STAU2: variants seen among roughly 807,000 people sequenced by gnomAD.
STAU2 encodes the protein staufen double-stranded RNA binding protein 2, also known as double-stranded RNA-binding protein Staufen homolog 2.
In STAU2, 20 loss-of-function variants were observed where a neutral mutation model predicts 65.9. That is an observed-to-expected ratio of 0.30 (90% CI 0.21 to 0.44). STAU2 has a LOEUF of 0.44. Ranked by LOEUF, STAU2 falls within the 20% of genes least tolerant of loss-of-function variation. The pLI is 1.00. For missense variants in STAU2, 558 were observed against 683.9 expected (o/e 0.82, Z 2.05); for synonymous variants, 232 against 233.9 (o/e 0.99, Z 0.07).
intron 13 of STAU2, among the ~76,000 whole-genome samples, chr8:73,492,853 G>A (rs1159702926): frequency 6.6e-6 from 1 of 151,804 alleles, no homozygotes. Flanking sequence ...TTTTATGGTA[G>A]TACAAAGCTG....
chr8:73,507,814 C>T (rs1822157735), intron 13 of STAU2, among the ~76,000 whole-genome samples: 1 of 152,222 alleles, frequency 6.6e-6, no homozygotes. Context: ...TTCTGGATAA[C>T]TTGCTGCAGC....
chr8:73,570,752 T>A (rs1314584476), intron 12 of STAU2, among the ~76,000 whole-genome samples: 1 of 152,174 alleles, frequency 6.6e-6, no homozygotes, highest in Non-Finnish European at 1.5e-5. Context: ...AGCGGATCTC[T>A]CGGCAGAAAC....
Position 73,738,265 on chromosome 8 carries a change from T to C in STAU2, c.-18+19A>G. 1.2e-6 allele frequency: 2 copies of C among 1,607,356 alleles called. No homozygotes were observed. The highest frequency in any genetic ancestry group is 1.7e-6 in the Non-Finnish European group (2 of 1,175,560). ...CAAAGCACCATGTAAGCATGAAAAATGCCTTAACACAAACTCACCTGATTT... is the reference window on the plus strand; with the variant it reads ...CAAAGCACCATGTAAGCATGAAAAACGCCTTAACACAAACTCACCTGATTT... On this transcript the variant is annotated intron_variant, in intron 3 of 14. Coordinates refer to ENST00000524300, the MANE Select transcript of STAU2 (RefSeq NM_001164380.2).
At chr8:73,510,181 C>T (rs1186944669) in intron 13 of STAU2, among the ~76,000 whole-genome samples, 1 of 151,978 alleles carries the variant, frequency 6.6e-6, no homozygotes, top group African/African-American at 2.4e-5. Flanking sequence ...GATTCTCTTG[C>T]CTCAGCCTCC....
chr8:73,516,550 G>A (rs1182875606), intron 13 of STAU2, among the ~76,000 whole-genome samples: 1 of 152,100 alleles, frequency 6.6e-6, no homozygotes, highest in Non-Finnish European at 1.5e-5. Flanking sequence ...GAAACAAAGA[G>A]AGTAGGCCAA....
chr8:73,629,899 G>A (rs1295101683), intron 6 of STAU2, among the ~76,000 whole-genome samples: 1 of 152,100 alleles, frequency 6.6e-6, no homozygotes, highest in Non-Finnish European at 1.5e-5. Flanking sequence ...AACCACAGGC[G>A]TGCACTACCA....
At position 73,673,331 on chromosome 8, in the gene STAU2, A is replaced by G. The variant is rs780932883; in HGVS notation, c.275-89T>C. ...TATATTTATACAACGCTTAAATACCATGGAAGAAGGTAAGAATGGATGGAC... is the reference window on the plus strand; with the variant it reads ...TATATTTATACAACGCTTAAATACCGTGGAAGAAGGTAAGAATGGATGGAC... On this transcript the variant is annotated intron_variant, in intron 5 of 14. Coordinates refer to ENST00000524300, the MANE Select transcript of STAU2 (RefSeq NM_001164380.2). 1.0e-5 allele frequency: 13 copies of G among 1,268,880 alleles called. No individual in the cohort carries two copies. The Admixed American group carries it at 2.7e-4, about 26-fold the overall frequency. 78.6% of individuals were successfully genotyped at this position (1,268,880 alleles called of 1,614,324 possible). A position where few individuals can be genotyped will look rare whatever the true frequency, so the allele number is the denominator to read the frequency against.
chr8:73,576,527 G>A (rs1360636494), intron 12 of STAU2, among the ~76,000 whole-genome samples: 1 of 152,114 alleles, frequency 6.6e-6, no homozygotes, highest in Non-Finnish European at 1.5e-5. Flanking sequence ...ACTTCTGCTG[G>A]GGGAGGCATA....
intron 13 of STAU2, among the ~76,000 whole-genome samples, chr8:73,438,352 C>G (rs1585753300): frequency 6.6e-6 from 1 of 152,174 alleles, no homozygotes; most frequent in African/African-American, 2.4e-5. Context: ...TGGAACCAGA[C>G]AGCTGTGAGG....
chr8:73,742,137 G>A, intron 1 of STAU2: 1 of 893,682 alleles, frequency 1.1e-6, no homozygotes. Flanking sequence ...CTACTTTAAA[G>A]ACACGCCCAG....
chr8:73,714,195 G>A (rs947370062), intron 3 of STAU2, among the ~76,000 whole-genome samples: 2 of 152,132 alleles, frequency 1.3e-5, no homozygotes, highest in South Asian at 2.1e-4. Flanking sequence ...GAGCCACCAC[G>A]CCCGGCCTTA....
At chr8:73,524,713 T>C (rs1157383150) in intron 13 of STAU2, among the ~76,000 whole-genome samples, 2 of 152,218 alleles carry the variant, frequency 1.3e-5, no homozygotes, top group East Asian at 1.9e-4. Context: ...TTTCTCAGAA[T>C]ACCAATTCTG....
chr8:73,533,636 C>T (rs73326784), intron 13 of STAU2, among the ~76,000 whole-genome samples: 9,677 of 152,156 alleles, frequency 0.064, 802 homozygotes, highest in African/African-American at 0.2. Context: ...TGGTTCACAC[C>T]TGTAATCCCA....
chr8:73,466,520 G>T (rs996242370), intron 13 of STAU2, among the ~76,000 whole-genome samples: 4 of 152,136 alleles, frequency 2.6e-5, no homozygotes, highest in African/African-American at 9.7e-5. Context: ...CAAGAGGTTG[G>T]CGAATGGAAG....
chr8:73,705,213 A>C (rs1015695406), intron 4 of STAU2, among the ~76,000 whole-genome samples: 1 of 152,184 alleles, frequency 6.6e-6, no homozygotes, highest in Non-Finnish European at 1.5e-5. Context: ...ATGAGGTATT[A>C]TATTACTCCA....
chr8:73,480,801 T>C (rs923122318), intron 13 of STAU2, among the ~76,000 whole-genome samples: 1 of 152,062 alleles, frequency 6.6e-6, no homozygotes. Context: ...CAATCTGACT[T>C]ACGCATGAAG....
intron 6 of STAU2, among the ~76,000 whole-genome samples, chr8:73,619,294 G>A (rs1261866201): frequency 6.6e-6 from 1 of 152,058 alleles, no homozygotes; most frequent in East Asian, 1.9e-4. Context: ...TGATGACTGA[G>A]AAATATGACC....
intron 13 of STAU2, among the ~76,000 whole-genome samples, chr8:73,465,034 T>C (rs748722653): frequency 3.9e-5 from 6 of 152,264 alleles, no homozygotes; most frequent in Admixed American, 3.9e-4. Flanking sequence ...AACATGATTC[T>C]CTGTACTCTT....
At chr8:73,708,064 G>A (rs1026572971) in intron 4 of STAU2, among the ~76,000 whole-genome samples, 2 of 151,934 alleles carry the variant, frequency 1.3e-5, no homozygotes, top group Admixed American at 6.6e-5. Flanking sequence ...TAGCTGGAAA[G>A]GTAGACCAAG....
Sources: gnomAD v4.1 joint callset for allele counts (sites outside exome capture counted in the v4.1 genomes callset) on GRCh38, gnomAD v4.1.1 for gene constraint, MANE v1.5 for transcripts, NCBI Gene and HGNC (gene_info 2026-07-23, HGNC 2026-07-21) for gene names.